The following KCNQ2 variants were observed in gnomAD, a reference collection of about 807,000 sequenced individuals.
The protein encoded by KCNQ2 is potassium voltage-gated channel subfamily KQT member 2.
Under a neutral mutation model 84.8 loss-of-function variants are expected in KCNQ2, and 14 were observed. The observed-to-expected ratio is 0.17, with a 90% CI of 0.11 to 0.26. The LOEUF (loss-of-function observed/expected upper bound fraction) is 0.26, where lower values mean the gene tolerates loss of function less well. KCNQ2 is among the 10% of genes least tolerant of loss of function. The pLI, the probability that KCNQ2 is intolerant of heterozygous loss-of-function variation, is 1.00. For synonymous variants in KCNQ2, 599 were observed against 554.1 expected, an observed-to-expected ratio of 1.08 and a Z score of -1.14; for missense variants, 788 against 1,254.0, an observed-to-expected ratio of 0.63 and a Z score of 5.61.
chr20:63,455,382 G>A (rs1253925568), intron 1 of KCNQ2, among the ~76,000 whole-genome samples: 1 of 152,146 alleles, frequency 6.6e-6, no homozygotes, highest in African/African-American at 2.4e-5. Context: ...TGAGCAGAGG[G>A]GCAGGGGGAC....
chr20:63,433,850 C>T lies in KCNQ2; in HGVS notation c.1077G>A (p.Thr359=), dbSNP rs997179306. The T allele has an allele frequency of 1.9e-6, 3 of 1,613,826 alleles. No homozygotes were observed. Among genetic ancestry groups the T allele is most frequent in the Non-Finnish European group, 2.5e-6 (3 of 1,179,816 alleles). ...TGACCGTTCGCTCGTAGTACTGCCA[C>T]GTGGAGTGCAGGTCTGTGCGCGAGA... The part of the protein sequence containing the change: ...TNLSRTDLHS[T]WQYYERTVTV... The change falls in exon 8 of 17, where the codon ACG becomes ACA. Residue 359 remains threonine, a synonymous_variant. Transcript: ENST00000359125.
At chr20:63,471,518 C>T (rs1370105721) in intron 1 of KCNQ2, among the ~76,000 whole-genome samples, 2 of 152,144 alleles carry the variant, frequency 1.3e-5, no homozygotes, top group Non-Finnish European at 2.9e-5. Context: ...ACGGGGGCGG[C>T]CGGCGGCTGC....
At chr20:63,453,441 G>A (rs751877250) in intron 1 of KCNQ2, among the ~76,000 whole-genome samples, 14 of 152,278 alleles carry the variant, frequency 9.2e-5, no homozygotes, top group East Asian at 1.9e-4. Context: ...AATTAACTGA[G>A]CCCTGGGAAA....
chr20:63,436,289 T>C (rs2081000683), intron 7 of KCNQ2, among the ~76,000 whole-genome samples: 1 of 152,150 alleles, frequency 6.6e-6, no homozygotes, highest in Non-Finnish European at 1.5e-5. Flanking sequence ...CCCAGCACTT[T>C]GGGAGGCCAA....
At chr20:63,410,412 C>T (rs1008196115) in intron 15 of KCNQ2, among the ~76,000 whole-genome samples, 4 of 152,174 alleles carry the variant, frequency 2.6e-5, no homozygotes, top group Admixed American at 6.5e-5. Context: ...GTGGGGCAAG[C>T]GCTCCAACTG....
Position 63,438,605 on chromosome 20 carries a change from C to G in KCNQ2, c.1023+20G>C, listed in dbSNP as rs1283846689. On this transcript the variant is annotated intron_variant, in intron 7 of 16. Transcript: ENST00000359125. This position sits in a 1 kb window ranked among gnomAD's most constrained non-coding sequence, Gnocchi z 5.1. ...CCAGGACAAGGGCTGTGCTGGTCCC[C>G]GGGGGACACCTGGACTCACCTGGAT... 3 of 1,607,636 alleles carry G rather than the reference C, an allele frequency of 1.9e-6. No individual in the cohort carries two copies. Among genetic ancestry groups the G allele is most frequent in the South Asian group, 2.2e-5 (2 of 90,966 alleles).
intron 1 of KCNQ2, among the ~76,000 whole-genome samples, chr20:63,454,037 G>T (rs955070958): frequency 6.6e-6 from 1 of 152,182 alleles, no homozygotes; most frequent in South Asian, 2.1e-4. Context: ...AGGTGGCTCC[G>T]ACCAGGCATC....
chr20:63,457,126 G>A (rs1366044640), intron 1 of KCNQ2, among the ~76,000 whole-genome samples: 1 of 152,228 alleles, frequency 6.6e-6, no homozygotes, highest in Non-Finnish European at 1.5e-5. Context: ...GAGTCCAGGC[G>A]TGAACCGGGC....
chr20:63,469,876 G>C (rs2082169109), intron 1 of KCNQ2, among the ~76,000 whole-genome samples: 2 of 152,268 alleles, frequency 1.3e-5, no homozygotes, highest in African/African-American at 4.8e-5. Context: ...GATGGGCTGG[G>C]CCACGGGGAC....
At chr20:63,456,922 A>G (rs1307344074) in intron 1 of KCNQ2, among the ~76,000 whole-genome samples, 1 of 152,168 alleles carries the variant, frequency 6.6e-6, no homozygotes, top group Non-Finnish European at 1.5e-5. Flanking sequence ...GATGAGCAGA[A>G]AGCCAGCGTG....
Position 63,446,218 on chromosome 20 carries a change from A to G in KCNQ2, c.387+529T>C. 3.8e-6 allele frequency: 1 copy of G among 260,606 alleles called. No homozygotes were observed. Among genetic ancestry groups the G allele is most frequent in the Non-Finnish European group, 7.5e-6 (1 of 133,108 alleles). 16.1% of individuals were successfully genotyped at this position (260,606 alleles called of 1,614,324 possible). On this transcript the variant is annotated intron_variant, in intron 2 of 16. Coordinates refer to ENST00000359125, the MANE Select transcript of KCNQ2 (RefSeq NM_172107.4). The surrounding 1 kb of genome is among the most constrained non-coding windows in gnomAD (Gnocchi z 5.5). The stretch of plus-strand genomic sequence containing the variant: ...CTCCACCCAGACCTTGGGAAGCCCC[A>G]GAACAGAGGAGCAGGGCGGGCAGTA...
Position 63,406,501 on chromosome 20 carries a change from G to A in KCNQ2, c.*143C>T. On this transcript the variant is annotated 3_prime_UTR_variant, in exon 17 of 17. Coordinates refer to ENST00000359125, the MANE Select transcript of KCNQ2 (RefSeq NM_172107.4). ...CACTGCCAGGAGCCCCCATCCTTCAGCCCACATGGGCCCCTCCAGGGCCCA... is the reference window on the plus strand; with the variant it reads ...CACTGCCAGGAGCCCCCATCCTTCAACCCACATGGGCCCCTCCAGGGCCCA... 1 of 988,210 alleles carries A rather than the reference G, an allele frequency of 1.0e-6. No individual in the cohort carries two copies. The highest frequency in any genetic ancestry group is 1.4e-6 in the Non-Finnish European group (1 of 692,948). The allele number at this position is 988,210 out of a possible 1,614,324, so 61.2% of individuals were successfully genotyped here.
chr20:63,415,669 C>A (rs969688730), intron 12 of KCNQ2, among the ~76,000 whole-genome samples: 5 of 152,292 alleles, frequency 3.3e-5, no homozygotes, highest in African/African-American at 1.2e-4. Context: ...TCACTTTCCG[C>A]TACCACCACG....
At position 63,472,546 on chromosome 20, in the gene KCNQ2, C is replaced by T; in HGVS notation, c.-83G>A. 3.4e-6 allele frequency: 4 copies of T among 1,186,636 alleles called. No individual in the cohort carries two copies. Among genetic ancestry groups the T allele is most frequent in the African/African-American group, 3.2e-5 (2 of 61,870 alleles). The allele number at this position is 1,186,636 out of a possible 1,614,324, so 73.5% of individuals were successfully genotyped here. On this transcript the variant is annotated 5_prime_UTR_variant, in exon 1 of 17. Coordinates refer to ENST00000359125, the MANE Select transcript of KCNQ2 (RefSeq NM_172107.4). ...GGGGCGGCGCGGGCCCCAGCCCAGG[C>T]CCCCCGGCCGGGAGCCGCATGGCCG...
chr20:63,445,745 GCCCTGTCTGAGCTGGGGGA>G (rs1568942872), intron 2 of KCNQ2, among the ~76,000 whole-genome samples: 1 of 17,782 alleles, frequency 5.6e-5, no homozygotes, highest in Non-Finnish European at 1.3e-4. Context: ...GAGCTGGGAG[GCCCTGTCTGAGCTGGGGGA>G]CCCTGTCTGA....
chr20:63,464,103 A>T (rs1005777810), intron 1 of KCNQ2, among the ~76,000 whole-genome samples: 1 of 152,092 alleles, frequency 6.6e-6, no homozygotes, highest in Non-Finnish European at 1.5e-5. Context: ...GCAGAGCCTA[A>T]TGTCAGTTCC....
rs1219476495 is a variant in KCNQ2 at position 63,403,899 on chromosome 20, C to T, written c.*2745G>A. 6.6e-6 allele frequency: 1 copy of T among 152,290 alleles called. No individual in the cohort carries two copies. The highest frequency in any genetic ancestry group is 6.5e-5 in the Admixed American group (1 of 15,286). The allele number at this position is 152,290 out of a possible 1,614,324, so 9.4% of individuals were successfully genotyped here. A position where few individuals can be genotyped will look rare whatever the true frequency, so the allele number is the denominator to read the frequency against. ...GAGGCAGCGCCGCACCACCTCCAGCCTCCTTCCCGCTGCACTTCTCTGAGG... is the reference window on the plus strand; with the variant it reads ...GAGGCAGCGCCGCACCACCTCCAGCTTCCTTCCCGCTGCACTTCTCTGAGG... On this transcript the variant is annotated 3_prime_UTR_variant, in exon 17 of 17. Coordinates refer to ENST00000359125, the MANE Select transcript of KCNQ2 (RefSeq NM_172107.4).
chr20:63,463,055 C>CTGTGTGTGTGTG (rs10532345), intron 1 of KCNQ2, among the ~76,000 whole-genome samples: 9 of 147,910 alleles, frequency 6.1e-5, no homozygotes, highest in African/African-American at 2.3e-4. Context: ...GGTGTCTTTT[C>CTGTGTGTGTGTG]TGTGTGTGTG....
chr20:63,433,102 G>A (rs1048155634), intron 8 of KCNQ2, among the ~76,000 whole-genome samples: 4 of 152,194 alleles, frequency 2.6e-5, no homozygotes, highest in South Asian at 2.1e-4. Context: ...CTTAATTTAA[G>A]CAAGAGCCAG....
Sources: allele counts gnomAD v4.1 joint callset (sites outside exome capture counted in the v4.1 genomes callset), GRCh38; gene constraint gnomAD v4.1.1; non-coding constraint Gnocchi (gnomAD v3.1); transcripts MANE v1.5; gene names NCBI Gene and HGNC (gene_info 2026-07-23, HGNC 2026-07-21).